The following CARMIL1 variants were observed in gnomAD, a reference collection of about 807,000 sequenced individuals.
The protein encoded by CARMIL1 is F-actin-uncapping protein LRRC16A.
CARMIL1 carries 90 observed loss-of-function variants against 177.1 expected under a neutral mutation model. That is an observed-to-expected ratio of 0.51 (90% CI 0.43 to 0.61). CARMIL1 has a LOEUF of 0.61. CARMIL1 is among the 20% of genes least tolerant of loss of function. The pLI, the probability that CARMIL1 is intolerant of heterozygous loss-of-function variation, is 0.00. For synonymous variants in CARMIL1, 577 were observed against 606.2 expected (o/e 0.95, Z 0.71); for missense variants, 1,380 against 1,667.0 (o/e 0.83, Z 3.00).
chr6:25,545,607 C>CAA (rs1373504193), intron 26 of CARMIL1, among the ~76,000 whole-genome samples: 1 of 151,962 alleles, frequency 6.6e-6, no homozygotes, highest in Non-Finnish European at 1.5e-5. Flanking sequence ...AATCAGTGCA[C>CAA]AACAAAAGGA....
chr6:25,284,007 C>G (rs1176093037), intron 1 of CARMIL1, among the ~76,000 whole-genome samples: 1 of 152,100 alleles, frequency 6.6e-6, no homozygotes, highest in Non-Finnish European at 1.5e-5. Context: ...CGTGAGCCAA[C>G]GTGCCCAGCC....
chr6:25,489,475 A>G (rs1349726485), intron 13 of CARMIL1, among the ~76,000 whole-genome samples: 2 of 152,304 alleles, frequency 1.3e-5, no homozygotes, highest in East Asian at 3.9e-4. Context: ...CAATAATGTA[A>G]TATTTGGCAG....
At chr6:25,530,542 A>G (rs1807650464) in intron 24 of CARMIL1, among the ~76,000 whole-genome samples, 1 of 152,152 alleles carries the variant, frequency 6.6e-6, no homozygotes, top group East Asian at 1.9e-4. Context: ...AACTAAAATC[A>G]ATTCTTAGCA....
Position 25,289,974 on chromosome 6 carries a change from G to A in CARMIL1, c.138+5065G>A, listed in dbSNP as rs181899005. Among the ~76,000 whole-genome samples, 539 of 152,312 alleles carry A rather than the reference G, an allele frequency of 3.5e-3. 3 individuals carry two copies. The highest frequency in any genetic ancestry group is 0.012 in the African/African-American group (485 of 41,556). ...AATTGCTGGTTTGCATGGGAATTGC[G>A]TGTTTACTTTTATAAGAAACTGGCA... On this transcript the variant is annotated intron_variant, in intron 2 of 36. Coordinates refer to ENST00000329474, the MANE Select transcript of CARMIL1 (RefSeq NM_017640.6).
At chr6:25,412,633 C>T (rs750560550) in intron 2 of CARMIL1, among the ~76,000 whole-genome samples, 2 of 152,036 alleles carry the variant, frequency 1.3e-5, no homozygotes, top group African/African-American at 2.4e-5. Flanking sequence ...TGCTCTTAGC[C>T]ATGTATATAT....
chr6:25,436,523 AGACAAAGCAGCAG>A (rs1465865155), intron 5 of CARMIL1, among the ~76,000 whole-genome samples: 1 of 152,204 alleles, frequency 6.6e-6, no homozygotes, highest in Non-Finnish European at 1.5e-5. Context: ...GCAAGTTGAG[AGACAAAGCAGCAG>A]GAAAACCTAG....
intron 2 of CARMIL1, among the ~76,000 whole-genome samples, chr6:25,408,465 A>AAGATTAATG (rs67046057): frequency 0.4 from 60,014 of 151,564 alleles, 12,496 homozygotes; most frequent in East Asian, 0.54. Flanking sequence ...TTAGGGATGC[A>AAGATTAATG]ATGATTTACA....
At chr6:25,318,806 C>T (rs888456661) in intron 2 of CARMIL1, among the ~76,000 whole-genome samples, 3 of 152,120 alleles carry the variant, frequency 2.0e-5, no homozygotes, top group Admixed American at 6.5e-5. Flanking sequence ...GTCTGGATGT[C>T]GGCCCAGCCC....
At chr6:25,401,259 C>G (rs1226005151) in intron 2 of CARMIL1, among the ~76,000 whole-genome samples, 3 of 148,688 alleles carry the variant, frequency 2.0e-5, no homozygotes, top group Non-Finnish European at 4.5e-5. Context: ...TATTCCCCCC[C>G]AGAAGAAACA....
At chr6:25,572,096 A>G (rs1029109144) in intron 29 of CARMIL1, among the ~76,000 whole-genome samples, 46 of 152,230 alleles carry the variant, frequency 3.0e-4, no homozygotes, top group Non-Finnish European at 5.9e-4. Context: ...GTATGGTTAT[A>G]TAGGAAAATA....
intron 5 of CARMIL1, among the ~76,000 whole-genome samples, chr6:25,438,972 T>C (rs1797479707): frequency 1.3e-5 from 2 of 151,856 alleles, no homozygotes. Context: ...AGGAGAAAGG[T>C]AGCAGCATTA....
chr6:25,464,013 G>A (rs910160666), intron 8 of CARMIL1, among the ~76,000 whole-genome samples: 3 of 151,800 alleles, frequency 2.0e-5, no homozygotes, highest in East Asian at 1.9e-4. Context: ...TAGTAGAGAC[G>A]GGGTTTCACC....
chr6:25,362,616 G>T (rs1257158322), intron 2 of CARMIL1, among the ~76,000 whole-genome samples: 1 of 152,164 alleles, frequency 6.6e-6, no homozygotes, highest in African/African-American at 2.4e-5. Context: ...GGAGGTTGAG[G>T]TGAGCTGAGA....
intron 9 of CARMIL1, 44 bp downstream of exon 9, chr6:25,465,992 A>G: frequency 4.8e-6 from 7 of 1,449,854 alleles, no homozygotes; most frequent in Non-Finnish European, 6.8e-6. Context: ...GCTTTGCTGA[A>G]TTTCAAAAAC....
At chr6:25,508,891 G>T (rs766720111) in intron 17 of CARMIL1, among the ~76,000 whole-genome samples, 2 of 152,116 alleles carry the variant, frequency 1.3e-5, no homozygotes, top group Non-Finnish European at 2.9e-5. Flanking sequence ...AAAACACAGA[G>T]ATATTATGAC....
At chr6:25,551,150 A>G in intron 27 of CARMIL1, 65 bp downstream of exon 27, 1 of 1,308,158 alleles carries the variant, frequency 7.6e-7, no homozygotes, top group Middle Eastern at 1.9e-4. Context: ...AGGCAGCTGT[A>G]AAGAGGGTTA....
intron 29 of CARMIL1, among the ~76,000 whole-genome samples, chr6:25,568,697 A>G (rs1020646867): frequency 1.3e-5 from 2 of 151,962 alleles, no homozygotes; most frequent in African/African-American, 4.8e-5. Flanking sequence ...TTTTTTTCTG[A>G]AAAAGATTTC....
At chr6:25,464,839 A>T (rs1406771928) in intron 8 of CARMIL1, among the ~76,000 whole-genome samples, 1 of 152,186 alleles carries the variant, frequency 6.6e-6, no homozygotes, top group African/African-American at 2.4e-5. Flanking sequence ...TGAACAGAGC[A>T]GTAAAAGATT....
chr6:25,294,249 C>A (rs1782221380), intron 2 of CARMIL1, among the ~76,000 whole-genome samples: 1 of 152,172 alleles, frequency 6.6e-6, no homozygotes, highest in African/African-American at 2.4e-5. Context: ...TTCTGCTGAT[C>A]CCTGGGCCCT....
Sources: allele counts gnomAD v4.1 joint callset (sites outside exome capture counted in the v4.1 genomes callset), GRCh38; gene constraint gnomAD v4.1.1; transcripts MANE v1.5; gene names NCBI Gene and HGNC (gene_info 2026-07-23, HGNC 2026-07-21).